PGM3: variants seen among roughly 807,000 people sequenced by gnomAD.
The protein encoded by PGM3 is phosphoglucomutase 3, also known as phosphoacetylglucosamine mutase.
In PGM3, 40 loss-of-function variants were observed where a neutral mutation model predicts 66.2. The ratio of observed to expected loss-of-function variants is 0.60; its 90% CI spans 0.47 to 0.79. The LOEUF (loss-of-function observed/expected upper bound fraction) is 0.79, where lower values mean the gene tolerates loss of function less well. Among genes scored for constraint, PGM3 ranks in the 30% least tolerant of loss-of-function variants. The probability of loss-of-function intolerance (pLI) is 0.00; values close to 1 mark genes in which losing one functional copy is unlikely to be tolerated. For missense variants in PGM3, 537 were observed against 643.4 expected (o/e 0.83, Z 1.79); for synonymous variants, 191 against 224.2 (o/e 0.85, Z 1.32).
chr6:83,149,033 G>A, the PGM3 span, among the ~76,000 whole-genome samples: 1 of 152,064 alleles, frequency 6.6e-6, no homozygotes, highest in Non-Finnish European at 1.5e-5. Context: ...AAAAAAAGTG[G>A]GAGGCAGGGT....
rs1364086538 is a variant in PGM3, at chr6:83,170,435, T to G, written c.1409A>C (p.Gln470Pro). The G allele has an allele frequency of 6.2e-7, 1 of 1,614,008 alleles. No homozygotes were observed. The highest frequency in any genetic ancestry group is 8.5e-7 in the Non-Finnish European group (1 of 1,179,984). The change falls in exon 12 of 13, where the codon CAA (glutamine) becomes CCA (proline). Residue 470 changes from glutamine to proline, a missense_variant. Coordinates refer to ENST00000513973, the MANE Select transcript of PGM3 (RefSeq NM_015599.3). ...RVISTTDAERQAVTPPGLQEA... is the reference protein window; with the variant it reads ...RVISTTDAERPAVTPPGLQEA... Reference sequence around the variant, plus strand: ...CTGTAATCCTGGGGGTGTAACTGCTTGTCTTTCAGCATCGGTAGTGCTAAT... The same window carrying G: ...CTGTAATCCTGGGGGTGTAACTGCTGGTCTTTCAGCATCGGTAGTGCTAAT...
chr6:83,175,696 C>G (rs1044815814), intron 9 of PGM3, among the ~76,000 whole-genome samples: 2 of 152,110 alleles, frequency 1.3e-5, no homozygotes, highest in African/African-American at 4.8e-5. Context: ...AGACAACATA[C>G]TTATAAAAAA....
chr6:83,166,929 G>A lies in PGM3; in HGVS notation c.*2305C>T. On this transcript the variant is annotated 3_prime_UTR_variant, in exon 13 of 13. Transcript: ENST00000513973. ...ATTTCTTCCTTCTGTCTAGTTCATT[G>A]CTTATTTTCATTCTTTAGTGTGGAA... 8.1e-6 allele frequency: 8 copies of A among 986,846 alleles called. No individual in the cohort carries two copies. The highest frequency in any genetic ancestry group is 1.7e-5 in the African/African-American group (1 of 57,348). 61.1% of individuals were successfully genotyped at this position (986,846 alleles called of 1,614,324 possible).
chr6:83,177,801 T>C (rs1276044697), intron 8 of PGM3, among the ~76,000 whole-genome samples: 2 of 151,986 alleles, frequency 1.3e-5, no homozygotes, highest in Admixed American at 6.6e-5. Context: ...TTCTCTACCA[T>C]CCCCCAGGTA....
At chr6:83,156,045 A>G in the PGM3 span, 1 of 1,613,840 alleles carries the variant, frequency 6.2e-7, no homozygotes, top group Non-Finnish European at 8.5e-7. Context: ...AAAGATTAGC[A>G]TTTGCTATTT....
chr6:83,173,910 G>T (rs1017514560), intron 10 of PGM3, among the ~76,000 whole-genome samples: 5 of 152,000 alleles, frequency 3.3e-5, no homozygotes. Context: ...CTAATTTTTT[G>T]TATTTTTAGT....
At chr6:83,164,684 G>T, downstream of PGM3, 1 of 1,588,056 alleles carries the variant, frequency 6.3e-7, no homozygotes, top group East Asian at 2.3e-5. Flanking sequence ...CTTTAAGACA[G>T]TGATTTTGGA....
chr6:83,154,043 A>C, the PGM3 span: 1 of 1,613,878 alleles, frequency 6.2e-7, no homozygotes, highest in East Asian at 2.2e-5. Flanking sequence ...TGTGTTAATC[A>C]GTAAGTTGCC....
chr6:83,166,799 A>C lies in PGM3; in HGVS notation c.*2435T>G, dbSNP rs1196784470. On this transcript the variant is annotated 3_prime_UTR_variant, in exon 13 of 13. Coordinates refer to ENST00000513973, the MANE Select transcript of PGM3 (RefSeq NM_015599.3). ...ACCCACTAGGAAACTAGTGATATTA[A>C]ATTATTAGGTAAACAATGAAAGTTT... 18 of 1,035,722 alleles carry C rather than the reference A, an allele frequency of 1.7e-5. No homozygotes were observed. The highest frequency in any genetic ancestry group is 2.0e-5 in the Non-Finnish European group (17 of 863,670). The allele number at this position is 1,035,722 out of a possible 1,614,324, so 64.2% of individuals were successfully genotyped here.
At chr6:83,181,212 A>G (rs572001012) in intron 6 of PGM3, among the ~76,000 whole-genome samples, 34 of 152,314 alleles carry the variant, frequency 2.2e-4, no homozygotes, top group African/African-American at 7.5e-4. Context: ...CAACTGTATA[A>G]GCAGAGTTAC....
At chr6:83,169,540 T>C (rs1302490376) in intron 12 of PGM3, 1 of 559,512 alleles carries the variant, frequency 1.8e-6, no homozygotes, top group Non-Finnish European at 3.2e-6. Context: ...ATAAGGTAAG[T>C]TTTTAATCAA....
At position 83,168,915 on chromosome 6, in the gene PGM3, A is replaced by G. The variant is rs1786461626; in HGVS notation, c.*319T>C. ...GCAAAGATATCACAAGGAGTTGGTA[A>G]TAAGATTTAATTTTCCAGTAGCCTG... On this transcript the variant is annotated 3_prime_UTR_variant, in exon 13 of 13. Coordinates refer to ENST00000513973, the MANE Select transcript of PGM3 (RefSeq NM_015599.3). 2 of 1,084,478 alleles carry G rather than the reference A, an allele frequency of 1.8e-6. No individual in the cohort carries two copies. Among genetic ancestry groups the G allele is most frequent in the African/African-American group, 1.6e-5 (1 of 61,554 alleles). 67.2% of individuals were successfully genotyped at this position (1,084,478 alleles called of 1,614,324 possible).
At chr6:83,157,130 T>C, downstream of PGM3, 2 of 1,580,382 alleles carry the variant, frequency 1.3e-6, no homozygotes, top group Non-Finnish European at 1.7e-6. Flanking sequence ...TATAGAAAGT[T>C]TTATGTGATA....
intron 6 of PGM3, among the ~76,000 whole-genome samples, chr6:83,180,534 A>G (rs1319200300): frequency 3.3e-5 from 5 of 152,220 alleles, no homozygotes. Flanking sequence ...TAGCCATGAC[A>G]GCAGCAGAGT....
intron 4 of PGM3, among the ~76,000 whole-genome samples, chr6:83,184,536 C>A (rs529088099): frequency 1.9e-3 from 288 of 152,240 alleles, no homozygotes; most frequent in Non-Finnish European, 3.5e-3. Context: ...AATTTTGTGA[C>A]CAATATCAAA....
intron 1 of PGM3, chr6:83,191,326 A>G (rs1789031605): frequency 2.6e-6 from 3 of 1,142,864 alleles, no homozygotes; most frequent in Non-Finnish European, 3.8e-6. Flanking sequence ...ACTCTCAACT[A>G]AAATGAAGAT....
intron 8 of PGM3, among the ~76,000 whole-genome samples, chr6:83,178,119 A>C (rs1282922086): frequency 1.3e-5 from 2 of 152,210 alleles, no homozygotes; most frequent in Admixed American, 1.3e-4. Context: ...ACTAGTCCTC[A>C]AATAGGAAAA....
intron 1 of PGM3, among the ~76,000 whole-genome samples, chr6:83,191,749 G>A (rs1408709758): frequency 1.3e-5 from 2 of 152,154 alleles, no homozygotes; most frequent in Non-Finnish European, 2.9e-5. Flanking sequence ...AGCACTTTGA[G>A]AGGCCAAGGC....
downstream of PGM3, chr6:83,162,742 G>A (rs189960539): frequency 2.3e-5 from 36 of 1,550,482 alleles, no homozygotes; most frequent in Middle Eastern, 6.9e-4. Context: ...AATCTTAGAT[G>A]GCACAAAGTC....
Sources: gnomAD v4.1 joint callset for allele counts (sites outside exome capture counted in the v4.1 genomes callset) on GRCh38, gnomAD v4.1.1 for gene constraint, MANE v1.5 for transcripts, NCBI Gene and HGNC (gene_info 2026-07-23, HGNC 2026-07-21) for gene names.